Variants in ZNF385B observed in about 807,000 individuals in gnomAD.
The protein encoded by ZNF385B is zinc finger protein 385B, also known as zinc finger protein 533.
ZNF385B carries 23 observed loss-of-function variants against 39.2 expected under a neutral mutation model. That is an observed-to-expected ratio of 0.59 (90% CI 0.42 to 0.83). ZNF385B has a LOEUF of 0.83. Among genes scored for constraint, ZNF385B ranks in the 40% least tolerant of loss-of-function variants. ZNF385B has a pLI of 0.00. For missense variants in ZNF385B, 552 were observed against 598.9 expected (o/e 0.92, Z 0.82); for synonymous variants, 205 against 222.6 (o/e 0.92, Z 0.70).
intron 6 of ZNF385B, among the ~76,000 whole-genome samples, chr2:179,477,399 T>G (rs966150360): frequency 6.6e-6 from 1 of 152,182 alleles, no homozygotes; most frequent in African/African-American, 2.4e-5. Context: ...AAGCACAATA[T>G]ACTGAAAACT....
intron 3 of ZNF385B, among the ~76,000 whole-genome samples, chr2:179,707,100 A>G (rs180982852): frequency 1.6e-4 from 24 of 152,350 alleles, no homozygotes; most frequent in African/African-American, 5.8e-4. Flanking sequence ...TCAAGATAAA[A>G]GCTGATCAGC....
intron 3 of ZNF385B, among the ~76,000 whole-genome samples, chr2:179,760,172 G>C (rs912399266): frequency 5.3e-5 from 8 of 150,812 alleles, no homozygotes; most frequent in Non-Finnish European, 8.8e-5. Context: ...ACATTGATCT[G>C]ATGTACAAAG....
intron 6 of ZNF385B, among the ~76,000 whole-genome samples, chr2:179,468,685 G>C (rs2052392483): frequency 6.6e-6 from 1 of 152,174 alleles, no homozygotes; most frequent in Non-Finnish European, 1.5e-5. Context: ...AACAGCAAAG[G>C]GTTTTAGCTT....
intron 5 of ZNF385B, among the ~76,000 whole-genome samples, chr2:179,493,621 A>G (rs1375458360): frequency 4.6e-5 from 4 of 87,866 alleles, no homozygotes; most frequent in Admixed American, 1.5e-4. Context: ...ACGTACATAT[A>G]TGTATACGCA....
At chr2:179,637,871 G>A (rs984474782) in intron 3 of ZNF385B, among the ~76,000 whole-genome samples, 3 of 152,164 alleles carry the variant, frequency 2.0e-5, no homozygotes, top group Admixed American at 1.3e-4. Flanking sequence ...TAAAATCTTT[G>A]TTAGTACAAG....
intron 3 of ZNF385B, among the ~76,000 whole-genome samples, chr2:179,613,239 G>A (rs998386975): frequency 3.9e-5 from 6 of 152,146 alleles, no homozygotes; most frequent in African/African-American, 1.2e-4. Context: ...CTGTGGCCGA[G>A]CTGGTACCTA....
At chr2:179,710,868 AGTAC>A (rs1699950908) in intron 3 of ZNF385B, among the ~76,000 whole-genome samples, 1 of 152,182 alleles carries the variant, frequency 6.6e-6, no homozygotes. Context: ...ACCTCACCTG[AGTAC>A]CTGGAGCCAC....
chr2:179,442,795 G>A lies in ZNF385B; in HGVS notation c.*455C>T, dbSNP rs993743300. ...TAAGCACTTGTGTTCACTGTTTTTT[G>A]TTCCACACTAGAATACACCCAGTTG... On this transcript the variant is annotated 3_prime_UTR_variant, in exon 10 of 10. Transcript: ENST00000410066. 5 of 232,056 alleles carry A rather than the reference G, an allele frequency of 2.2e-5. No individual in the cohort carries two copies. The highest frequency in any genetic ancestry group is 1.2e-4 in the African/African-American group (5 of 42,430). 14.4% of individuals were successfully genotyped at this position (232,056 alleles called of 1,614,324 possible).
intron 3 of ZNF385B, among the ~76,000 whole-genome samples, chr2:179,679,601 A>ATTG (rs71401757): frequency 0.13 from 20,111 of 150,268 alleles, 1,435 homozygotes; most frequent in Non-Finnish European, 0.17. Flanking sequence ...AACAGCTATT[A>ATTG]TTGTTGTTGT....
At chr2:179,748,910 G>A (rs1447846718) in intron 3 of ZNF385B, among the ~76,000 whole-genome samples, 1 of 151,946 alleles carries the variant, frequency 6.6e-6, no homozygotes, top group East Asian at 1.9e-4. Context: ...GAAGTGTCCA[G>A]GTGGCATTTA....
At chr2:179,493,499 GTA>G (rs2055520625) in intron 5 of ZNF385B, among the ~76,000 whole-genome samples, 2 of 151,192 alleles carry the variant, frequency 1.3e-5, no homozygotes, top group Admixed American at 6.6e-5. Flanking sequence ...AAACGTGTGT[GTA>G]CATATATGCG....
At chr2:179,761,638 G>A (rs1007817920) in intron 3 of ZNF385B, among the ~76,000 whole-genome samples, 1 of 151,574 alleles carries the variant, frequency 6.6e-6, no homozygotes, top group African/African-American at 2.4e-5. Context: ...GAGTACAGTG[G>A]TGTGATTGCA....
chr2:179,641,259 G>A (rs973814420), intron 3 of ZNF385B, among the ~76,000 whole-genome samples: 1 of 152,008 alleles, frequency 6.6e-6, no homozygotes, highest in Non-Finnish European at 1.5e-5. Context: ...CTGAAGGAAC[G>A]ACATTCTAAT....
intron 9 of ZNF385B, among the ~76,000 whole-genome samples, chr2:179,444,516 A>G (rs375966769): frequency 3.1e-4 from 47 of 152,322 alleles, no homozygotes; most frequent in East Asian, 2.7e-3. Flanking sequence ...ATTAAATTAA[A>G]TGGATGGATT....
intron 3 of ZNF385B, among the ~76,000 whole-genome samples, chr2:179,608,842 CTGTGTGTGTGTGTG>C (rs60633100): frequency 0.22 from 29,353 of 134,556 alleles, 3,260 homozygotes; most frequent in South Asian, 0.32. Flanking sequence ...AGGGCCAAGA[CTGTGTGTGTGTGTG>C]TGTGTGTGTG....
intron 5 of ZNF385B, among the ~76,000 whole-genome samples, chr2:179,510,222 C>T (rs2057561355): frequency 6.6e-6 from 1 of 151,548 alleles, no homozygotes; most frequent in South Asian, 2.1e-4. Flanking sequence ...TGTAGATATA[C>T]ATGTGTGTAT....
At chr2:179,677,953 C>T (rs1391602337) in intron 3 of ZNF385B, among the ~76,000 whole-genome samples, 1 of 152,138 alleles carries the variant, frequency 6.6e-6, no homozygotes, top group Non-Finnish European at 1.5e-5. Context: ...ATACATACCA[C>T]AGAAGAATGA....
At chr2:179,785,495 C>T (rs997871821) in intron 1 of ZNF385B, among the ~76,000 whole-genome samples, 4 of 152,070 alleles carry the variant, frequency 2.6e-5, no homozygotes, top group African/African-American at 7.2e-5. Context: ...TTTGCCATTT[C>T]GATGCCATTA....
chr2:179,560,933 G>C (rs573854078), intron 3 of ZNF385B, among the ~76,000 whole-genome samples: 3 of 152,340 alleles, frequency 2.0e-5, no homozygotes, highest in African/African-American at 7.2e-5. Flanking sequence ...ATTGCAACAA[G>C]TGAGGATTGT....
Sources: gnomAD v4.1 joint callset for allele counts (sites outside exome capture counted in the v4.1 genomes callset) on GRCh38, gnomAD v4.1.1 for gene constraint, MANE v1.5 for transcripts, NCBI Gene and HGNC (gene_info 2026-07-23, HGNC 2026-07-21) for gene names.